KHDRBS2: variants seen among roughly 807,000 people sequenced by gnomAD.
KHDRBS2 encodes the protein KH RNA binding domain containing, signal transduction associated 2, also known as KH domain-containing, RNA-binding, signal transduction-associated protein 2.
A neutral mutation model predicts 44.3 loss-of-function variants in KHDRBS2; 26 were observed. That is an observed-to-expected ratio of 0.59 (90% CI 0.43 to 0.81). The LOEUF is 0.81. KHDRBS2 is among the 40% of genes least tolerant of loss of function. The probability of loss-of-function intolerance (pLI) is 0.00; values close to 1 mark genes in which losing one functional copy is unlikely to be tolerated. For missense variants in KHDRBS2, 476 were observed against 433.1 expected, an observed-to-expected ratio of 1.10 and a Z score of -0.88; for synonymous variants, 194 against 151.1, an observed-to-expected ratio of 1.28 and a Z score of -2.08.
At chr6:61,712,893 T>C (rs1200637344) in intron 7 of KHDRBS2, among the ~76,000 whole-genome samples, 3 of 151,690 alleles carry the variant, frequency 2.0e-5, no homozygotes. Flanking sequence ...GTAACTCAAG[T>C]CCACAATTAT....
chr6:61,983,200 T>TTTTCTTTC (rs70993191), intron 3 of KHDRBS2, among the ~76,000 whole-genome samples: 8,651 of 45,716 alleles, frequency 0.19, 1,088 homozygotes, highest in Middle Eastern at 0.33. Flanking sequence ...GTTTTTTTCA[T>TTTTCTTTC]TTTCTTTCTT....
At chr6:61,946,603 G>T (rs1813417101) in intron 4 of KHDRBS2, among the ~76,000 whole-genome samples, 1 of 152,120 alleles carries the variant, frequency 6.6e-6, no homozygotes, top group African/African-American at 2.4e-5. Context: ...TAATGGAGGG[G>T]CTATTTGAAG....
At chr6:62,063,603 T>A (rs1221987259) in intron 2 of KHDRBS2, among the ~76,000 whole-genome samples, 4 of 151,436 alleles carry the variant, frequency 2.6e-5, no homozygotes, top group African/African-American at 9.7e-5. Context: ...AAACTCTCAA[T>A]AAATTAGGTA....
intron 3 of KHDRBS2, among the ~76,000 whole-genome samples, chr6:62,046,058 T>G (rs1002469582): frequency 6.6e-6 from 1 of 151,640 alleles, no homozygotes; most frequent in African/African-American, 2.4e-5. Flanking sequence ...TTTATTTAAT[T>G]TGGTAAAAAG....
At chr6:62,105,212 C>T (rs920610074) in intron 2 of KHDRBS2, among the ~76,000 whole-genome samples, 1 of 152,068 alleles carries the variant, frequency 6.6e-6, no homozygotes, top group Non-Finnish European at 1.5e-5. Flanking sequence ...AGAAGTAATG[C>T]TAATTCTACA....
At chr6:62,283,953 G>C (rs774786003) in intron 1 of KHDRBS2, among the ~76,000 whole-genome samples, 3 of 151,952 alleles carry the variant, frequency 2.0e-5, no homozygotes, top group Non-Finnish European at 4.4e-5. Flanking sequence ...TTCTTACTTA[G>C]ATGTTTTTCT....
chr6:62,213,091 G>A (rs1293823578), intron 1 of KHDRBS2, among the ~76,000 whole-genome samples: 4 of 152,190 alleles, frequency 2.6e-5, no homozygotes, highest in Non-Finnish European at 5.9e-5. Context: ...CAAGTCAGCA[G>A]ACGTAGCAAG....
the KHDRBS2 span, among the ~76,000 whole-genome samples, chr6:61,564,654 C>T: frequency 6.6e-6 from 1 of 152,078 alleles, no homozygotes; most frequent in African/African-American, 2.4e-5. Flanking sequence ...CCACTCCTGC[C>T]TCTGTTGCTC....
At chr6:62,223,052 T>C (rs532594014) in intron 1 of KHDRBS2, among the ~76,000 whole-genome samples, 3 of 152,324 alleles carry the variant, frequency 2.0e-5, no homozygotes, top group Middle Eastern at 3.4e-3. Context: ...GTAGGGACTC[T>C]TTGAGTGGGA....
At chr6:61,557,190 A>G in the KHDRBS2 span, among the ~76,000 whole-genome samples, 2 of 152,136 alleles carry the variant, frequency 1.3e-5, no homozygotes, top group Non-Finnish European at 2.9e-5. Context: ...TTGTTTTAGA[A>G]TAGGAGCATA....
chr6:61,958,077 T>C (rs1322030401), intron 4 of KHDRBS2, among the ~76,000 whole-genome samples: 1 of 152,152 alleles, frequency 6.6e-6, no homozygotes, highest in Non-Finnish European at 1.5e-5. Flanking sequence ...AATCATAAAG[T>C]TCTGATTGAC....
chr6:61,769,034 T>A (rs888554464), intron 6 of KHDRBS2, among the ~76,000 whole-genome samples: 4 of 152,214 alleles, frequency 2.6e-5, no homozygotes, highest in African/African-American at 9.7e-5. Flanking sequence ...ATGTCTTTAG[T>A]ATATTTTATT....
chr6:61,817,800 T>C (rs1789222412), intron 6 of KHDRBS2, among the ~76,000 whole-genome samples: 2 of 152,060 alleles, frequency 1.3e-5, no homozygotes, highest in African/African-American at 4.8e-5. Context: ...AGCTAGCTCT[T>C]TATATTTTTA....
chr6:61,766,295 T>A lies in KHDRBS2; in HGVS notation c.811-33531A>T, dbSNP rs530107322. Among the ~76,000 whole-genome samples, 18 of 152,212 alleles carry A rather than the reference T, an allele frequency of 1.2e-4. No homozygotes were observed. In the South Asian group the frequency reaches 3.1e-3, roughly 26 times the overall value. ...GCTCATAGTAGTTTCTAATAATTCT[T>A]TGAATTTCTGCTGTGTCAGTTGTAA... is the stretch of plus-strand genomic sequence containing the variant. On this transcript the variant is annotated intron_variant, in intron 6 of 8. Coordinates refer to ENST00000281156, the MANE Select transcript of KHDRBS2 (RefSeq NM_152688.4).
intron 4 of KHDRBS2, among the ~76,000 whole-genome samples, chr6:61,907,165 CAT>C (rs1562415931): frequency 6.6e-6 from 1 of 152,134 alleles, no homozygotes; most frequent in Non-Finnish European, 1.5e-5. Flanking sequence ...TAATGTTGAG[CAT>C]TTTTTTCACA....
At chr6:61,734,708 T>G (rs1255872113) in intron 6 of KHDRBS2, among the ~76,000 whole-genome samples, 1 of 152,174 alleles carries the variant, frequency 6.6e-6, no homozygotes, top group Non-Finnish European at 1.5e-5. Context: ...ACCTTTTCCT[T>G]TCTTCCAACG....
the KHDRBS2 span, among the ~76,000 whole-genome samples, chr6:61,597,914 GTT>G: frequency 1.5e-5 from 2 of 135,172 alleles, no homozygotes; most frequent in Admixed American, 7.5e-5. Context: ...TTTTTTTTGT[GTT>G]TTTTTTTTTA....
At chr6:61,963,435 A>G (rs1316771375) in intron 4 of KHDRBS2, among the ~76,000 whole-genome samples, 1 of 152,084 alleles carries the variant, frequency 6.6e-6, no homozygotes, top group African/African-American at 2.4e-5. Context: ...CTTCCTGAAC[A>G]AGGACTACTT....
intron 2 of KHDRBS2, among the ~76,000 whole-genome samples, chr6:62,089,327 C>T (rs1365000603): frequency 1.3e-5 from 2 of 151,872 alleles, no homozygotes; most frequent in Non-Finnish European, 2.9e-5. Context: ...AATGGCCACC[C>T]AGTTTTGTGC....
Sources: gnomAD v4.1 joint callset for allele counts (sites outside exome capture counted in the v4.1 genomes callset) on GRCh38, gnomAD v4.1.1 for gene constraint, MANE v1.5 for transcripts, NCBI Gene and HGNC (gene_info 2026-07-23, HGNC 2026-07-21) for gene names.